Variants in CDC42BPA observed in about 807,000 individuals in gnomAD.
The protein encoded by CDC42BPA is CDC42 binding protein kinase alpha, also known as serine/threonine-protein kinase MRCK alpha.
Under a neutral mutation model 223.5 loss-of-function variants are expected in CDC42BPA, and 80 were observed. That is an observed-to-expected ratio of 0.36 (90% CI 0.30 to 0.43). The LOEUF (loss-of-function observed/expected upper bound fraction) is 0.43, where lower values mean the gene tolerates loss of function less well. Ranked by LOEUF, CDC42BPA falls within the 20% of genes least tolerant of loss-of-function variation. The pLI is 1.00. For synonymous variants in CDC42BPA, 694 were observed against 718.6 expected (o/e 0.97, Z 0.55); for missense variants, 1,743 against 2,099.9 (o/e 0.83, Z 3.32).
chr1:227,295,333 G>C (rs1690482500), intron 1 of CDC42BPA, among the ~76,000 whole-genome samples: 2 of 151,920 alleles, frequency 1.3e-5, no homozygotes, highest in Admixed American at 1.3e-4. Flanking sequence ...GCTAATTTTT[G>C]TATTTTTGTA....
At chr1:227,248,078 A>G (rs1681315696) in intron 2 of CDC42BPA, among the ~76,000 whole-genome samples, 1 of 152,092 alleles carries the variant, frequency 6.6e-6, no homozygotes, top group Non-Finnish European at 1.5e-5. Context: ...AAAAGAATGA[A>G]GCATGTATAA....
chr1:227,160,396 T>C (rs1275404937), intron 6 of CDC42BPA, 147 bp downstream of exon 6: 1 of 645,326 alleles, frequency 1.5e-6, no homozygotes, highest in South Asian at 1.8e-5. Context: ...TATGCCCAAA[T>C]GCCTTTGTGG....
intron 1 of CDC42BPA, among the ~76,000 whole-genome samples, chr1:227,256,989 A>ACACACACC (rs781287283): frequency 9.5e-5 from 14 of 146,600 alleles, no homozygotes; most frequent in African/African-American, 3.0e-4. Flanking sequence ...ACACACACAC[A>ACACACACC]CCAGTATGTT....
chr1:227,051,080 A>G lies in CDC42BPA; in HGVS notation c.3009+801T>C, dbSNP rs540271173. Among the ~76,000 whole-genome samples the G allele has an allele frequency of 2.0e-5, 3 of 152,338 alleles. No homozygotes were observed. The South Asian group carries it at 6.2e-4, about 32-fold the overall frequency. On this transcript the variant is annotated intron_variant, in intron 22 of 36. Transcript: ENST00000366766. ...TAAACAATTTGGGGGAGTCTGTCAC[A>G]GAGTTGGAAAAATCAAGTCAGAACC... is the stretch of plus-strand genomic sequence containing the variant.
At chr1:227,225,937 C>T (rs537605491) in intron 2 of CDC42BPA, among the ~76,000 whole-genome samples, 70 of 152,302 alleles carry the variant, frequency 4.6e-4, no homozygotes, top group African/African-American at 1.6e-3. Context: ...TAAAATTTAT[C>T]CTGCTACCTT....
intron 5 of CDC42BPA, among the ~76,000 whole-genome samples, chr1:227,179,317 TGTATG>T (rs1355276475): frequency 2.0e-5 from 3 of 151,062 alleles, no homozygotes; most frequent in Non-Finnish European, 4.4e-5. Context: ...ATGAGTGGAC[TGTATG>T]GTATATGAAT....
At chr1:227,198,646 A>G (rs1671185130) in intron 4 of CDC42BPA, among the ~76,000 whole-genome samples, 1 of 152,084 alleles carries the variant, frequency 6.6e-6, no homozygotes, top group East Asian at 1.9e-4. Context: ...CCCCATGAGC[A>G]TTATAGAGTT....
At chr1:227,133,479 G>C (rs564932409) in intron 10 of CDC42BPA, among the ~76,000 whole-genome samples, 214 of 152,358 alleles carry the variant, frequency 1.4e-3, no homozygotes, top group African/African-American at 4.1e-3. Context: ...ACAGCTCATT[G>C]AGAACGGGCC....
intron 5 of CDC42BPA, among the ~76,000 whole-genome samples, chr1:227,179,753 C>G (rs4323672): frequency 0.85 from 126,595 of 149,728 alleles, 53,643 homozygotes; most frequent in Middle Eastern, 0.91. Context: ...AAAAGGTAGA[C>G]ATCTTTCCTC....
chr1:227,247,938 TG>T (rs1006566089), intron 2 of CDC42BPA, among the ~76,000 whole-genome samples: 9 of 152,120 alleles, frequency 5.9e-5, no homozygotes, highest in African/African-American at 1.7e-4. Flanking sequence ...ATTCTAGAGT[TG>T]AAAAACTCAA....
chr1:227,297,683 C>T (rs1690879346), intron 1 of CDC42BPA, among the ~76,000 whole-genome samples: 1 of 151,874 alleles, frequency 6.6e-6, no homozygotes, highest in African/African-American at 2.4e-5. Flanking sequence ...ATATGCCAGA[C>T]ACAAAATAAT....
At chr1:227,147,683 A>C (rs1363722783) in intron 6 of CDC42BPA, 124 bp from the exon 7 acceptor site, 2 of 541,682 alleles carry the variant, frequency 3.7e-6, no homozygotes, top group African/African-American at 3.8e-5. Flanking sequence ...CTGAAAAATA[A>C]TAATAATCCT....
At chr1:227,218,971 A>T (rs965519873) in intron 2 of CDC42BPA, among the ~76,000 whole-genome samples, 4 of 152,200 alleles carry the variant, frequency 2.6e-5, no homozygotes, top group African/African-American at 9.6e-5. Context: ...ATACTTTAAA[A>T]TTGGGACAGC....
chr1:227,281,776 A>G (rs4233223), intron 1 of CDC42BPA, among the ~76,000 whole-genome samples: 46,815 of 152,068 alleles, frequency 0.31, 7,395 homozygotes, highest in East Asian at 0.37. Flanking sequence ...GCACTGCCCA[A>G]AGACTCAGGA....
rs972880796 is a variant in CDC42BPA, at chr1:227,317,315, G to C, written c.-133C>G. The C allele has an allele frequency of 1.1e-6, 1 of 911,666 alleles. No homozygotes were observed. Among genetic ancestry groups the C allele is most frequent in the African/African-American group, 1.7e-5 (1 of 59,674 alleles). The allele number at this position is 911,666 out of a possible 1,614,324, so 56.5% of individuals were successfully genotyped here. On this transcript the variant is annotated 5_prime_UTR_variant, in exon 1 of 37. Transcript: ENST00000366766. ...TTCAAACAACTGTCATGCAATGCTG[G>C]TGCTGAATTAAACATCCAACACACC...
At chr1:227,272,012 T>C (rs1188203369) in intron 1 of CDC42BPA, among the ~76,000 whole-genome samples, 1 of 152,186 alleles carries the variant, frequency 6.6e-6, no homozygotes, top group Non-Finnish European at 1.5e-5. Context: ...AGAACACTAT[T>C]ATAAATTAAT....
At chr1:227,287,326 A>G (rs1353833786) in intron 1 of CDC42BPA, among the ~76,000 whole-genome samples, 1 of 152,198 alleles carries the variant, frequency 6.6e-6, no homozygotes, top group Non-Finnish European at 1.5e-5. Context: ...CTGGGAACTT[A>G]GATTTTGGGA....
intron 11 of CDC42BPA, among the ~76,000 whole-genome samples, chr1:227,122,446 G>C (rs1240678198): frequency 1.3e-5 from 2 of 152,142 alleles, no homozygotes; most frequent in African/African-American, 4.8e-5. Context: ...TATCACAGGG[G>C]ATAGCTTCTA....
intron 2 of CDC42BPA, among the ~76,000 whole-genome samples, chr1:227,216,367 C>A (rs954941117): frequency 1.3e-5 from 2 of 152,156 alleles, no homozygotes; most frequent in African/African-American, 2.4e-5. Flanking sequence ...AATGAGACTA[C>A]ACATGTATGT....
Sources: allele counts gnomAD v4.1 joint callset (sites outside exome capture counted in the v4.1 genomes callset), GRCh38; gene constraint gnomAD v4.1.1; transcripts MANE v1.5; gene names NCBI Gene and HGNC (gene_info 2026-07-23, HGNC 2026-07-21).